Variants in SMCO2 observed in about 807,000 individuals in gnomAD.
The protein encoded by SMCO2 is single-pass membrane and coiled-coil domain-containing protein 2.
A neutral mutation model predicts 29.5 loss-of-function variants in SMCO2; 25 were observed. That is an observed-to-expected ratio of 0.85 (90% CI 0.62 to 1.18). The LOEUF (loss-of-function observed/expected upper bound fraction) is 1.18, where lower values mean the gene tolerates loss of function less well. SMCO2 is among the 50% of genes most tolerant of loss of function. The probability of loss-of-function intolerance (pLI) is 0.00; values close to 1 mark genes in which losing one functional copy is unlikely to be tolerated. For synonymous variants in SMCO2, 117 were observed against 123.3 expected (o/e 0.95, Z 0.34); for missense variants, 348 against 344.5 (o/e 1.01, Z -0.08).
chr12:27,445,699 A>G, the SMCO2 span, among the ~76,000 whole-genome samples: 6 of 152,154 alleles, frequency 3.9e-5, no homozygotes, highest in Admixed American at 3.3e-4. Flanking sequence ...CAGCAAGACC[A>G]CTTACCTTTC....
At chr12:27,460,412 C>T in the SMCO2 span, among the ~76,000 whole-genome samples, 52 of 152,094 alleles carry the variant, frequency 3.4e-4, no homozygotes, top group Non-Finnish European at 6.2e-4. Flanking sequence ...AGATTTTGTA[C>T]GTTATTTGTA....
At chr12:27,424,672 C>T in the SMCO2 span, 1 of 152,198 alleles carries the variant, frequency 6.6e-6, no homozygotes, top group Non-Finnish European at 1.5e-5. Context: ...CAAGAGGTAT[C>T]TCCCCCTCAG....
chr12:27,461,886 C>T (rs1159658027), upstream of SMCO2, among the ~76,000 whole-genome samples: 2 of 152,178 alleles, frequency 1.3e-5, no homozygotes, highest in Non-Finnish European at 2.9e-5. Context: ...TTAGAAAATC[C>T]AGGCTACCCT....
intron 5 of SMCO2, among the ~76,000 whole-genome samples, chr12:27,491,694 T>A (rs950561214): frequency 3.3e-5 from 5 of 150,436 alleles, no homozygotes; most frequent in Admixed American, 1.3e-4. Flanking sequence ...ATAATGTATT[T>A]TATATATATA....
At chr12:27,479,879 T>C (rs1949626127) in intron 4 of SMCO2, among the ~76,000 whole-genome samples, 2 of 147,064 alleles carry the variant, frequency 1.4e-5, no homozygotes, top group African/African-American at 2.7e-5. Context: ...AATTACGCAG[T>C]CTCACACGTC....
chr12:27,433,898 C>T, the SMCO2 span, among the ~76,000 whole-genome samples: 2 of 152,162 alleles, frequency 1.3e-5, no homozygotes, highest in South Asian at 2.1e-4. Flanking sequence ...TTGCCCTGAA[C>T]GTGCAAGATT....
the SMCO2 span, among the ~76,000 whole-genome samples, chr12:27,426,721 C>T: frequency 0.14 from 21,153 of 152,052 alleles, 1,580 homozygotes; most frequent in African/African-American, 0.18. Context: ...ATAAGTAGTA[C>T]AACAGTAATT....
chr12:27,486,856 A>G (rs1949693049), intron 4 of SMCO2, among the ~76,000 whole-genome samples: 1 of 152,302 alleles, frequency 6.6e-6, no homozygotes, highest in Admixed American at 6.5e-5. Flanking sequence ...ATTCTTCTTT[A>G]TTAATTCTCC....
chr12:27,484,876 A>G (rs1949675865), intron 4 of SMCO2, among the ~76,000 whole-genome samples: 2 of 98,600 alleles, frequency 2.0e-5, no homozygotes, highest in African/African-American at 7.0e-5. Flanking sequence ...AAAAAAATAT[A>G]TATATATATA....
chr12:27,473,084 C>T (rs1405146844), intron 3 of SMCO2: 2 of 480,668 alleles, frequency 4.2e-6, no homozygotes, highest in African/African-American at 3.9e-5. Flanking sequence ...GAAGGACTTA[C>T]TAGCCTTCCC....
chr12:27,427,617 T>C, the SMCO2 span, among the ~76,000 whole-genome samples: 2 of 152,012 alleles, frequency 1.3e-5, no homozygotes, highest in Admixed American at 1.3e-4. Context: ...GGAAAAGACG[T>C]CAGAAATAGC....
chr12:27,477,210 G>GTTTTTTTTT (rs770789669), intron 4 of SMCO2, among the ~76,000 whole-genome samples: 4 of 62,648 alleles, frequency 6.4e-5, no homozygotes, highest in Admixed American at 1.8e-4. Flanking sequence ...TGGCTGTCAG[G>GTTTTTTTTT]TTTTTTTTTT....
intron 2 of SMCO2, among the ~76,000 whole-genome samples, chr12:27,471,794 T>C (rs1949543245): frequency 6.6e-6 from 1 of 152,148 alleles, no homozygotes; most frequent in Non-Finnish European, 1.5e-5. Flanking sequence ...AGCACATGGA[T>C]TTAGACAAGG....
intron 7 of SMCO2, among the ~76,000 whole-genome samples, chr12:27,500,869 T>C (rs540183920): frequency 4.6e-5 from 7 of 150,796 alleles, no homozygotes; most frequent in African/African-American, 1.7e-4. Flanking sequence ...ATAAAACCAC[T>C]GAGTTAGGTC....
chr12:27,463,339 A>T (rs1480739374), upstream of SMCO2, among the ~76,000 whole-genome samples: 1 of 152,058 alleles, frequency 6.6e-6, no homozygotes, highest in African/African-American at 2.4e-5. Context: ...ATCTCGGCTC[A>T]CTGCAGCCTC....
chr12:27,441,713 T>C, the SMCO2 span, among the ~76,000 whole-genome samples: 2 of 152,138 alleles, frequency 1.3e-5, no homozygotes, highest in Non-Finnish European at 2.9e-5. Context: ...AATTACACAC[T>C]ATATCTAATA....
At chr12:27,465,777 C>T (rs1000660696), upstream of SMCO2, among the ~76,000 whole-genome samples, 2 of 152,174 alleles carry the variant, frequency 1.3e-5, no homozygotes, top group African/African-American at 4.8e-5. Context: ...TAAATTTTGA[C>T]CCAAACCAAA....
At chr12:27,475,866 T>C (rs1949582059) in intron 4 of SMCO2, 135 bp downstream of exon 5, 1 of 971,968 alleles carries the variant, frequency 1.0e-6, no homozygotes, top group South Asian at 2.9e-5. Flanking sequence ...TATCTGTTTA[T>C]CTTTTGCTCA....
intron 7 of SMCO2, 93 bp downstream of exon 8, chr12:27,495,948 A>C: frequency 8.2e-7 from 1 of 1,215,168 alleles, no homozygotes; most frequent in Non-Finnish European, 1.1e-6. Context: ...GTTGACTAAA[A>C]TGTTTTGTTT....
Sources: gnomAD v4.1 joint callset for allele counts (sites outside exome capture counted in the v4.1 genomes callset) on GRCh38, gnomAD v4.1.1 for gene constraint, MANE v1.5 for transcripts, NCBI Gene and HGNC (gene_info 2026-07-23, HGNC 2026-07-21) for gene names.